Variants in SCFD2 observed in about 807,000 individuals in gnomAD.
SCFD2 encodes the protein sec1 family domain containing 2, also known as sec1 family domain-containing protein 2.
Under a neutral mutation model 58.9 loss-of-function variants are expected in SCFD2, and 54 were observed. The ratio of observed to expected loss-of-function variants is 0.92; its 90% CI spans 0.74 to 1.15. The LOEUF is 1.15. Among genes scored for constraint, SCFD2 ranks in the 50% most tolerant of loss-of-function variants. The probability of loss-of-function intolerance (pLI) is 0.00; values close to 1 mark genes in which losing one functional copy is unlikely to be tolerated. For synonymous variants in SCFD2, 321 were observed against 335.9 expected, an observed-to-expected ratio of 0.96 and a Z score of 0.49; for missense variants, 805 against 836.6, an observed-to-expected ratio of 0.96 and a Z score of 0.47.
chr4:53,111,189 G>A (rs1280682577), intron 5 of SCFD2, among the ~76,000 whole-genome samples: 2 of 152,100 alleles, frequency 1.3e-5, no homozygotes, highest in Admixed American at 1.3e-4. Context: ...CCTACTGGTG[G>A]GTGGGGGACT....
chr4:53,336,174 A>C (rs542457899), intron 2 of SCFD2, among the ~76,000 whole-genome samples: 2 of 152,198 alleles, frequency 1.3e-5, no homozygotes, highest in Non-Finnish European at 2.9e-5. Flanking sequence ...CTATATTCTA[A>C]AACTCATTTT....
intron 5 of SCFD2, among the ~76,000 whole-genome samples, chr4:53,142,725 C>A (rs1323485479): frequency 6.6e-6 from 1 of 152,198 alleles, no homozygotes; most frequent in Non-Finnish European, 1.5e-5. Context: ...AGTGAAAACA[C>A]AAATGCTTCT....
At chr4:53,157,517 A>G (rs1726726978) in intron 4 of SCFD2, among the ~76,000 whole-genome samples, 1 of 152,214 alleles carries the variant, frequency 6.6e-6, no homozygotes, top group African/African-American at 2.4e-5. Flanking sequence ...AATATATAGC[A>G]GCCTATTGAA....
chr4:52,960,658 C>T (rs757812738), intron 5 of SCFD2, among the ~76,000 whole-genome samples: 11 of 151,918 alleles, frequency 7.2e-5, no homozygotes, highest in Non-Finnish European at 1.0e-4. Context: ...CGTGAGCCAC[C>T]GTGCCTGGCC....
At chr4:53,019,655 T>C (rs1424914270) in intron 5 of SCFD2, among the ~76,000 whole-genome samples, 1 of 152,154 alleles carries the variant, frequency 6.6e-6, no homozygotes, top group Non-Finnish European at 1.5e-5. Context: ...TGAAATTCTT[T>C]CCTTCTGTGA....
At chr4:53,019,155 T>G (rs1722286375) in intron 5 of SCFD2, among the ~76,000 whole-genome samples, 1 of 152,038 alleles carries the variant, frequency 6.6e-6, no homozygotes, top group Non-Finnish European at 1.5e-5. Context: ...AAGGAAGTAA[T>G]CAAAGATAAG....
intron 4 of SCFD2, among the ~76,000 whole-genome samples, chr4:53,246,175 A>G (rs1275368491): frequency 6.6e-6 from 1 of 152,196 alleles, no homozygotes; most frequent in Non-Finnish European, 1.5e-5. Context: ...ATTACAAAAC[A>G]CTGCTCAAAA....
At chr4:53,132,455 GTTTTC>G (rs900796175) in intron 5 of SCFD2, among the ~76,000 whole-genome samples, 14 of 151,888 alleles carry the variant, frequency 9.2e-5, no homozygotes, top group African/African-American at 1.2e-4. Flanking sequence ...GCTGTTTTTT[GTTTTC>G]TTTTGTTTTG....
chr4:52,924,952 T>C (rs528221913), intron 5 of SCFD2, among the ~76,000 whole-genome samples: 9 of 152,278 alleles, frequency 5.9e-5, no homozygotes, highest in Admixed American at 3.9e-4. Context: ...AGCTGTTAAA[T>C]GGGGTGAATT....
chr4:53,195,047 G>T (rs1461110962), intron 4 of SCFD2, among the ~76,000 whole-genome samples: 4 of 152,138 alleles, frequency 2.6e-5, no homozygotes, highest in Non-Finnish European at 5.9e-5. Flanking sequence ...ATCATGTAGT[G>T]GTAAAGCAGG....
At position 53,133,253 on chromosome 4, in the gene SCFD2, G is replaced by A. The variant is rs558165759; in HGVS notation, c.1561+12080C>T. On this transcript the variant is annotated intron_variant, in intron 5 of 8. Transcript: ENST00000401642. ...TGAAGCAGGAGAATGGCGTGAACCC[G>A]GGAGGCGGAGCTTGCAGTGAGCCCA... is the stretch of plus-strand genomic sequence containing the variant. Among the ~76,000 whole-genome samples, 17 of 150,616 alleles carry A rather than the reference G, an allele frequency of 1.1e-4. 1 individual carries two copies. The South Asian group carries it at 1.5e-3, about 13-fold the overall frequency.
At chr4:53,363,826 CAAAA>C (rs754101699) in intron 1 of SCFD2, among the ~76,000 whole-genome samples, 4 of 107,188 alleles carry the variant, frequency 3.7e-5, no homozygotes, top group African/African-American at 1.1e-4. Context: ...GACTCCGTCT[CAAAA>C]AAAAAAAAAA....
rs1159907396 is a variant in SCFD2 at position 53,366,033 on chromosome 4, A to G, written c.-92T>C. On this transcript the variant is annotated 5_prime_UTR_variant, in exon 1 of 9. Coordinates refer to ENST00000401642, the MANE Select transcript of SCFD2 (RefSeq NM_152540.4). ...AAATTGGGCTCCGGGAGACTTTGAC[A>G]GTCTCCACAGTACACGTGGTCGGCC... 9 of 1,421,320 alleles carry G rather than the reference A, an allele frequency of 6.3e-6. No individual in the cohort carries two copies. Among genetic ancestry groups the G allele is most frequent in the Non-Finnish European group, 8.5e-6 (9 of 1,062,868 alleles). The allele number at this position is 1,421,320 out of a possible 1,614,324, so 88.0% of individuals were successfully genotyped here.
At chr4:52,960,726 ACAAC>A (rs747175258) in intron 5 of SCFD2, among the ~76,000 whole-genome samples, 5 of 146,522 alleles carry the variant, frequency 3.4e-5, no homozygotes, top group African/African-American at 5.4e-5. Flanking sequence ...ACACACACAC[ACAAC>A]ACACACACAC....
At chr4:53,164,148 C>A (rs1440623030) in intron 4 of SCFD2, among the ~76,000 whole-genome samples, 2 of 152,106 alleles carry the variant, frequency 1.3e-5, no homozygotes, top group African/African-American at 4.8e-5. Flanking sequence ...TTTACTACTA[C>A]ATTTATTACT....
intron 5 of SCFD2, among the ~76,000 whole-genome samples, chr4:52,970,445 T>C (rs903478733): frequency 6.6e-6 from 1 of 152,180 alleles, no homozygotes; most frequent in African/African-American, 2.4e-5. Flanking sequence ...GAGATCAAAC[T>C]GCAAGGTGGC....
Position 52,920,807 on chromosome 4 carries a change from GTA to G in SCFD2, c.1623_1624del (p.Thr542PhefsTer16), listed in dbSNP as rs1163982038. ...AGCTCCAGCAATATCCCGAAGTGAA[GTA>G]AAGAGTTCATCCACGGCAATTTTGG... On this transcript the variant is annotated frameshift_variant, in exon 6 of 9. Transcript: ENST00000401642. LOFTEE classifies it high-confidence loss of function. 18 of 1,611,150 alleles carry G rather than the reference GTA, an allele frequency of 1.1e-5. No homozygotes were observed. Among genetic ancestry groups the G allele is most frequent in the Non-Finnish European group, 1.4e-5 (17 of 1,177,606 alleles).
intron 4 of SCFD2, among the ~76,000 whole-genome samples, chr4:53,231,893 T>A (rs1050918300): frequency 6.6e-6 from 1 of 152,140 alleles, no homozygotes; most frequent in Non-Finnish European, 1.5e-5. Context: ...CATGTAATTA[T>A]CTTCCTTTTA....
chr4:53,218,932 A>G (rs1310140352), intron 4 of SCFD2, among the ~76,000 whole-genome samples: 1 of 152,208 alleles, frequency 6.6e-6, no homozygotes, highest in Admixed American at 6.5e-5. Flanking sequence ...GGGTATCAGC[A>G]GCGGAGGCTG....
Sources: gnomAD v4.1 joint callset for allele counts (sites outside exome capture counted in the v4.1 genomes callset) on GRCh38, gnomAD v4.1.1 for gene constraint, MANE v1.5 for transcripts, NCBI Gene and HGNC (gene_info 2026-07-23, HGNC 2026-07-21) for gene names.